Variants in SLC38A6 observed in about 807,000 individuals in gnomAD.
The protein encoded by SLC38A6 is N system amino acid transporter NAT-1.
A neutral mutation model predicts 65.0 loss-of-function variants in SLC38A6; 73 were observed. The observed-to-expected ratio is 1.12, with a 90% CI of 0.93 to 1.37. SLC38A6 has a LOEUF of 1.37. Ranked by LOEUF, SLC38A6 falls within the 40% of genes most tolerant of loss-of-function variation. SLC38A6 has a pLI of 0.00. For synonymous variants in SLC38A6, 183 were observed against 178.8 expected, an observed-to-expected ratio of 1.02 and a Z score of -0.19; for missense variants, 561 against 531.1, an observed-to-expected ratio of 1.06 and a Z score of -0.55.
intron 15 of SLC38A6, among the ~76,000 whole-genome samples, chr14:61,068,611 C>T (rs2043110536): frequency 6.6e-6 from 1 of 152,226 alleles, no homozygotes; most frequent in Non-Finnish European, 1.5e-5. Flanking sequence ...GTCACCCCCT[C>T]AGAGAGGTCT....
intron 15 of SLC38A6, chr14:61,078,685 T>G (rs552626270): frequency 2.0e-5 from 3 of 153,758 alleles, no homozygotes; most frequent in African/African-American, 7.2e-5. Context: ...TTCTGGAGTT[T>G]TGGAAAATTC....
intron 14 of SLC38A6, 27 bp from the exon 15 acceptor site, chr14:61,052,014 T>C: frequency 6.3e-7 from 1 of 1,597,860 alleles, no homozygotes; most frequent in Non-Finnish European, 8.5e-7. Context: ...AGCAATATCC[T>C]CTCTTTTTTT....
intron 6 of SLC38A6, among the ~76,000 whole-genome samples, chr14:61,035,319 A>C (rs1267828291): frequency 6.6e-6 from 1 of 152,124 alleles, no homozygotes; most frequent in Admixed American, 6.6e-5. Flanking sequence ...TTTTTCGCAA[A>C]AGCTTTCAAA....
chr14:61,035,951 A>G lies in SLC38A6; in HGVS notation c.483-1108A>G, dbSNP rs551730558. 2.6e-5 allele frequency among the ~76,000 whole-genome samples: 4 copies of G among 152,262 alleles called. No homozygotes were observed. The East Asian group carries it at 7.7e-4, about 29-fold the overall frequency. ...GCATCCAGTTTTGTTTTTTTCAATG[A>G]ACAAATACAAAATCACGTTAACCTA... On this transcript the variant is annotated intron_variant, in intron 6 of 15. Coordinates refer to ENST00000267488, the MANE Select transcript of SLC38A6 (RefSeq NM_153811.3).
downstream of SLC38A6, among the ~76,000 whole-genome samples, chr14:61,055,112 T>TTC (rs1555359980): frequency 1.5e-5 from 2 of 133,346 alleles, no homozygotes. Context: ...TTTTCTTTTT[T>TTC]TTTTTCTTTT....
At chr14:61,001,617 A>T (rs1432955949) in intron 3 of SLC38A6, among the ~76,000 whole-genome samples, 3 of 152,180 alleles carry the variant, frequency 2.0e-5, no homozygotes, top group African/African-American at 7.2e-5. Context: ...AGCAACATGT[A>T]AAGAGTTTTG....
At chr14:61,006,237 T>C (rs200300472) in intron 3 of SLC38A6, among the ~76,000 whole-genome samples, 13 of 152,206 alleles carry the variant, frequency 8.5e-5, no homozygotes, top group African/African-American at 2.6e-4. Context: ...AGAAGAAAAC[T>C]TAGGCATTAC....
At chr14:60,990,571 G>A (rs1382234370) in intron 3 of SLC38A6, among the ~76,000 whole-genome samples, 1 of 152,056 alleles carries the variant, frequency 6.6e-6, no homozygotes, top group Non-Finnish European at 1.5e-5. Flanking sequence ...AAGTTATTCT[G>A]TATCTCCCCT....
intron 15 of SLC38A6, among the ~76,000 whole-genome samples, chr14:61,066,041 T>G (rs1307889796): frequency 6.6e-6 from 1 of 152,258 alleles, no homozygotes; most frequent in African/African-American, 2.4e-5. Flanking sequence ...GAATTAGCCC[T>G]ATGTTAAACA....
chr14:61,029,452 C>A (rs2040815460), intron 5 of SLC38A6, among the ~76,000 whole-genome samples: 1 of 152,042 alleles, frequency 6.6e-6, no homozygotes, highest in Non-Finnish European at 1.5e-5. Flanking sequence ...TCCTTTTTGG[C>A]CCCAACACAT....
intron 15 of SLC38A6, among the ~76,000 whole-genome samples, chr14:61,065,770 G>T (rs1474214425): frequency 6.6e-6 from 1 of 152,194 alleles, no homozygotes; most frequent in African/African-American, 2.4e-5. Flanking sequence ...ATGTTAATGA[G>T]TTTGGAAGAT....
intron 3 of SLC38A6, among the ~76,000 whole-genome samples, chr14:60,986,441 G>A (rs2037455436): frequency 6.6e-6 from 1 of 152,166 alleles, no homozygotes; most frequent in East Asian, 1.9e-4. Flanking sequence ...TGATTCTTAT[G>A]CAAATCTAGT....
chr14:61,023,575 T>C lies in SLC38A6; in HGVS notation c.403+3995T>C, dbSNP rs1399970988. Among the ~76,000 whole-genome samples, 8 of 19,412 alleles carry C rather than the reference T, an allele frequency of 4.1e-4. No homozygotes were observed. In the East Asian group the frequency reaches 4.8e-3, roughly 12 times the overall value. 12.7% of individuals were successfully genotyped at this position (19,412 alleles called of 152,430 possible). Reference sequence around the variant, plus strand: ...GCAACTGTCTCAAAAATAATAATAATAATAATAATAATAATATATATATAT... The same window carrying C: ...GCAACTGTCTCAAAAATAATAATAACAATAATAATAATAATATATATATAT... On this transcript the variant is annotated intron_variant, in intron 5 of 15. Coordinates refer to ENST00000267488, the MANE Select transcript of SLC38A6 (RefSeq NM_153811.3).
intron 4 of SLC38A6, 128 bp downstream of exon 4, chr14:61,016,084 AAG>A (rs754958337): frequency 3.3e-5 from 19 of 580,584 alleles, no homozygotes; most frequent in Non-Finnish European, 4.9e-5. Flanking sequence ...AAAGTGAGAA[AAG>A]AGAGAATGAT....
At chr14:61,038,956 G>A (rs887734005) in intron 8 of SLC38A6, among the ~76,000 whole-genome samples, 4 of 152,142 alleles carry the variant, frequency 2.6e-5, no homozygotes, top group Non-Finnish European at 5.9e-5. Context: ...TGATTGTTGA[G>A]AAGTGTGGTT....
chr14:61,062,708 C>G (rs1226636950), intron 15 of SLC38A6, among the ~76,000 whole-genome samples: 5 of 152,072 alleles, frequency 3.3e-5, no homozygotes, highest in African/African-American at 1.2e-4. Flanking sequence ...GAGACAGAGT[C>G]TCACTTCCGT....
chr14:61,078,237 G>A (rs2043498038), intron 15 of SLC38A6, among the ~76,000 whole-genome samples: 1 of 152,232 alleles, frequency 6.6e-6, no homozygotes, highest in Admixed American at 6.5e-5. Flanking sequence ...GGGGTTCACT[G>A]CCTTCTGGGT....
At chr14:61,002,646 C>G (rs2038791810) in intron 3 of SLC38A6, among the ~76,000 whole-genome samples, 1 of 152,156 alleles carries the variant, frequency 6.6e-6, no homozygotes. Flanking sequence ...GGAGGCCAAA[C>G]TCTTGCTCTC....
chr14:61,024,089 C>T lies in SLC38A6; in HGVS notation c.403+4509C>T, dbSNP rs141231537. Among the ~76,000 whole-genome samples, 102 of 152,150 alleles carry T rather than the reference C, an allele frequency of 6.7e-4. 1 individual carries two copies. Among genetic ancestry groups the T allele is most frequent in the African/African-American group, 2.4e-3 (100 of 41,504 alleles). ...AGTGAGCATATAGTTTTTAGGAAAG[C>T]GTCTACTGTTAGAACTTCACAGAAA... is the stretch of plus-strand genomic sequence containing the variant. On this transcript the variant is annotated intron_variant, in intron 5 of 15. Coordinates refer to ENST00000267488, the MANE Select transcript of SLC38A6 (RefSeq NM_153811.3).
Sources: allele counts gnomAD v4.1 joint callset (sites outside exome capture counted in the v4.1 genomes callset), GRCh38; gene constraint gnomAD v4.1.1; transcripts MANE v1.5; gene names NCBI Gene and HGNC (gene_info 2026-07-23, HGNC 2026-07-21).